The following TAF4B variants were observed in gnomAD, a reference collection of about 807,000 sequenced individuals.
The protein encoded by TAF4B is TATA-box binding protein associated factor 4b, also known as transcription initiation factor TFIID subunit 4B.
In TAF4B, 38 loss-of-function variants were observed where a neutral mutation model predicts 86.4. The ratio of observed to expected loss-of-function variants is 0.44; its 90% confidence interval spans 0.34 to 0.58. TAF4B has a LOEUF of 0.58. Among genes scored for constraint, TAF4B ranks in the 20% least tolerant of loss-of-function variants. The probability of loss-of-function intolerance (pLI) is 0.02; values close to 1 mark genes in which losing one functional copy is unlikely to be tolerated. For missense variants in TAF4B, 988 were observed against 1,027.6 expected (o/e 0.96, Z 0.53); for synonymous variants, 388 against 391.2 (o/e 0.99, Z 0.10).
chr18:26,232,069 A>G (rs554748287), intron 1 of TAF4B, among the ~76,000 whole-genome samples: 1 of 152,238 alleles, frequency 6.6e-6, no homozygotes, highest in African/African-American at 2.4e-5. Context: ...TGGTTGGTGC[A>G]TTTTAGAATC....
intron 5 of TAF4B, among the ~76,000 whole-genome samples, chr18:26,279,131 ACT>A (rs2056416539): frequency 6.6e-6 from 1 of 152,056 alleles, no homozygotes; most frequent in African/African-American, 2.4e-5. Context: ...AATCTTAAAG[ACT>A]CTGCCAAAAG....
chr18:26,353,927 CCAAGT>C (rs1349737817), intron 13 of TAF4B, among the ~76,000 whole-genome samples: 2 of 152,136 alleles, frequency 1.3e-5, no homozygotes, highest in Non-Finnish European at 2.9e-5. Context: ...TTGCTGGACT[CCAAGT>C]CATGTTCTCC....
At chr18:26,232,707 G>A (rs1300618244) in intron 1 of TAF4B, among the ~76,000 whole-genome samples, 1 of 152,204 alleles carries the variant, frequency 6.6e-6, no homozygotes, top group Admixed American at 6.5e-5. Flanking sequence ...AAGGTACAAA[G>A]TCCTCCTTTC....
chr18:26,313,887 C>G (rs1235270658), intron 9 of TAF4B, among the ~76,000 whole-genome samples: 4 of 151,988 alleles, frequency 2.6e-5, no homozygotes, highest in African/African-American at 4.8e-5. Flanking sequence ...AGGCTGATCT[C>G]GAACTCCTCA....
At chr18:26,376,592 G>A (rs1460616580) in intron 14 of TAF4B, among the ~76,000 whole-genome samples, 1 of 151,472 alleles carries the variant, frequency 6.6e-6, no homozygotes, top group Admixed American at 6.6e-5. Context: ...AGTTTCTTGG[G>A]ATTTTCTATA....
chr18:26,253,452 A>G (rs2056035328), intron 1 of TAF4B, among the ~76,000 whole-genome samples: 1 of 152,202 alleles, frequency 6.6e-6, no homozygotes, highest in South Asian at 2.1e-4. Flanking sequence ...TATATAACAC[A>G]TATAAAACAT....
At chr18:26,317,286 C>T (rs1239309297) in intron 10 of TAF4B, among the ~76,000 whole-genome samples, 4 of 152,122 alleles carry the variant, frequency 2.6e-5, no homozygotes, top group African/African-American at 9.7e-5. Flanking sequence ...CCGCCTTGGC[C>T]TCCCGAAATG....
At chr18:26,310,195 ACT>A (rs978605602) in intron 9 of TAF4B, among the ~76,000 whole-genome samples, 1 of 152,038 alleles carries the variant, frequency 6.6e-6, no homozygotes, top group African/African-American at 2.4e-5. Flanking sequence ...AATTTTTATA[ACT>A]CAGTATTTTT....
Position 26,389,828 on chromosome 18 carries a change from C to A in TAF4B, c.2422-17C>A. The A allele has an allele frequency of 3.1e-6, 5 of 1,600,768 alleles. No individual in the cohort carries two copies. Among genetic ancestry groups the A allele is most frequent in the Non-Finnish European group, 4.3e-6 (5 of 1,175,790 alleles). On this transcript the variant is annotated splice_polypyrimidine_tract_variant and intron_variant, in intron 14 of 14. Transcript: ENST00000269142. ...AAGATTTTTATTTCAAATTGCTTTTCCTTTTATTATTTTTAGGGCTTAAAA... is the reference window on the plus strand; with the variant it reads ...AAGATTTTTATTTCAAATTGCTTTTACTTTTATTATTTTTAGGGCTTAAAA...
At chr18:26,294,573 A>G (rs960934901) in intron 9 of TAF4B, among the ~76,000 whole-genome samples, 1 of 148,928 alleles carries the variant, frequency 6.7e-6, no homozygotes, top group Non-Finnish European at 1.5e-5. Context: ...ATAAATTTTT[A>G]TATAATTTCT....
intron 13 of TAF4B, among the ~76,000 whole-genome samples, chr18:26,340,930 A>G (rs1469098462): frequency 6.6e-6 from 1 of 152,112 alleles, no homozygotes; most frequent in Non-Finnish European, 1.5e-5. Context: ...TCCTTCATGG[A>G]TATTTTTACA....
chr18:26,227,044 C>G lies in TAF4B; in HGVS notation c.111C>G (p.Ser37Arg). Residue 37 changes from serine to arginine, a missense_variant, in exon 1 of 15, where the codon AGC becomes AGG. Physicochemically the swap from Ser to Arg is moderately radical, Grantham distance 110. Coordinates refer to ENST00000269142, the MANE Select transcript of TAF4B (RefSeq NM_005640.3). ...PAGALPVRVE[S>R]TPVALGAVTK... The stretch of plus-strand genomic sequence containing the variant: ...GGGCGCTGCCGGTGCGGGTGGAGAG[C>G]ACTCCGGTGGCCCTGGGCGCCGTGA... 6.4e-7 allele frequency: 1 copy of G among 1,564,662 alleles called. No homozygotes were observed. Among genetic ancestry groups the G allele is most frequent in the Non-Finnish European group, 8.6e-7 (1 of 1,164,496 alleles).
At chr18:26,279,307 C>T (rs1230624462) in intron 5 of TAF4B, among the ~76,000 whole-genome samples, 2 of 152,050 alleles carry the variant, frequency 1.3e-5, no homozygotes, top group East Asian at 3.8e-4. Flanking sequence ...CCTAGGAATA[C>T]AGCTAACCAA....
chr18:26,331,609 T>C (rs1020506424), intron 12 of TAF4B, among the ~76,000 whole-genome samples: 1 of 152,330 alleles, frequency 6.6e-6, no homozygotes, highest in African/African-American at 2.4e-5. Context: ...CACCACCATC[T>C]TCCCAGATGT....
chr18:26,249,462 A>ACTCT (rs893909478), intron 1 of TAF4B, among the ~76,000 whole-genome samples: 1 of 150,334 alleles, frequency 6.7e-6, no homozygotes, highest in Non-Finnish European at 1.5e-5. Context: ...ACAGAGCAAA[A>ACTCT]CTCTCTCTCT....
At chr18:26,342,098 G>A (rs1457306982) in intron 13 of TAF4B, among the ~76,000 whole-genome samples, 2 of 151,994 alleles carry the variant, frequency 1.3e-5, no homozygotes, top group Non-Finnish European at 2.9e-5. Flanking sequence ...TTTGGTGTTA[G>A]GGTTTTGTTT....
chr18:26,230,561 A>G (rs1378933113), intron 1 of TAF4B, among the ~76,000 whole-genome samples: 1 of 152,194 alleles, frequency 6.6e-6, no homozygotes, highest in African/African-American at 2.4e-5. Flanking sequence ...GATAGTGGCC[A>G]TGGCATTACT....
Position 26,390,342 on chromosome 18 carries a change from C to A in TAF4B, c.*330C>A. 4.8e-6 allele frequency: 1 copy of A among 208,418 alleles called. No individual in the cohort carries two copies. 12.9% of individuals were successfully genotyped at this position (208,418 alleles called of 1,614,324 possible). On this transcript the variant is annotated 3_prime_UTR_variant, in exon 15 of 15. Transcript: ENST00000269142. ...AAATTGTAGCAGGTGAGGTGTCCTT[C>A]CCTAATACAGCATGCATTGAGATGC...
chr18:26,298,262 G>A (rs1026845747), intron 9 of TAF4B, among the ~76,000 whole-genome samples: 4 of 151,308 alleles, frequency 2.6e-5, no homozygotes, highest in Non-Finnish European at 4.4e-5. Context: ...GCTCTGTCAC[G>A]CAGGCTGCAA....
Sources: gnomAD v4.1 joint callset for allele counts (sites outside exome capture counted in the v4.1 genomes callset) on GRCh38, gnomAD v4.1.1 for gene constraint, MANE v1.5 for transcripts, NCBI Gene and HGNC (gene_info 2026-07-23, HGNC 2026-07-21) for gene names.